The following CCDC22 variants were observed in gnomAD, a reference collection of about 807,000 sequenced individuals.
The protein encoded by CCDC22 is CCC complex scaffolding subunit CCDC22.
A neutral mutation model predicts 53.1 loss-of-function variants in CCDC22; 4 were observed. That is an observed-to-expected ratio of 0.08 (90% CI 0.04 to 0.17). The LOEUF (loss-of-function observed/expected upper bound fraction) is 0.17, where lower values mean the gene tolerates loss of function less well. Among genes scored for constraint, CCDC22 ranks in the 10% least tolerant of loss-of-function variants. CCDC22 has a pLI of 1.00. For synonymous variants in CCDC22, 222 were observed against 224.4 expected (o/e 0.99, Z 0.10); for missense variants, 458 against 554.0 (o/e 0.83, Z 1.74).
chrX:49,248,265 G>C lies in CCDC22; in HGVS notation c.1167G>C (p.Ala389=), dbSNP rs72619041. Residue 389 remains alanine (A), a synonymous_variant, in exon 10 of 17, where the codon GCG becomes GCC. Coordinates refer to ENST00000376227, the MANE Select transcript of CCDC22 (RefSeq NM_014008.5). ...REQALRLKSR[A]VELLPDGTAN... ...AGGCCCTGCGCCTGAAGAGCCGCGC[G>C]GTGGAGCTGCTGCCCGATGGGACTG... The C allele has an allele frequency of 5.8e-6, 7 of 1,206,086 alleles. No homozygotes were observed. Among genetic ancestry groups the C allele is most frequent in the Non-Finnish European group, 7.8e-6 (7 of 894,559 alleles).
intron 7 of CCDC22, chrX:49,247,157 C>T (rs2065994778): frequency 1.8e-5 from 8 of 436,586 alleles, no homozygotes; most frequent in Non-Finnish European, 3.2e-5. Context: ...GTTCTTGGGG[C>T]AACACCCCCT....
intron 2 of CCDC22, among the ~76,000 whole-genome samples, chrX:49,237,948 C>T (rs781936633): frequency 2.8e-5 from 3 of 109,015 alleles, no homozygotes; most frequent in Admixed American, 9.8e-5. Context: ...TTAGTAGAGA[C>T]GGGGTTTCAC....
Position 49,249,293 on chromosome X carries a change from G to T in CCDC22, c.1635+31G>T, listed in dbSNP as rs994821717. 8.2e-5 allele frequency: 89 copies of T among 1,082,054 alleles called. No individual in the cohort carries two copies. Among genetic ancestry groups the T allele is most frequent in the Non-Finnish European group, 1.0e-4 (81 of 781,894 alleles). 89.2% of individuals were successfully genotyped at this position (1,082,054 alleles called of 1,213,427 possible). On this transcript the variant is annotated intron_variant, in intron 14 of 16. Coordinates refer to ENST00000376227, the MANE Select transcript of CCDC22 (RefSeq NM_014008.5). The stretch of plus-strand genomic sequence containing the variant: ...GGGCAGGTTGGGCGGGGGTGAGTGG[G>T]GTGAGGCTGGGCTGCTGCCTTGTGC...
intron 2 of CCDC22, among the ~76,000 whole-genome samples, 177 bp from the exon 3 acceptor site, chrX:49,241,839 G>A (rs2065965187): frequency 9.0e-6 from 1 of 111,694 alleles, no homozygotes. Flanking sequence ...CTTGTTCTCT[G>A]TAGCGTTGAC....
rs1311662654 is a variant in CCDC22 at position 49,237,279 on chromosome X, C to T, written c.228+16C>T. The T allele has an allele frequency of 8.5e-7, 1 of 1,174,880 alleles. No homozygotes were observed. The highest frequency in any genetic ancestry group is 2.3e-5 in the Admixed American group (1 of 44,095). On this transcript the variant is annotated intron_variant, in intron 2 of 16. Coordinates refer to ENST00000376227, the MANE Select transcript of CCDC22 (RefSeq NM_014008.5). ...GGCCTGCATGGTGAGTGGCCCTCCT[C>T]CTAATGCACACATCCTCTTTCTTCC...
intron 16 of CCDC22, 110 bp from the exon 17 acceptor site, chrX:49,250,038 G>A (rs907843716): frequency 3.9e-6 from 2 of 506,923 alleles, no homozygotes; most frequent in African/African-American, 4.6e-5. Context: ...GACAGAGCAG[G>A]CTGTTGGAGT....
chrX:49,241,445 C>G (rs1264360165), intron 2 of CCDC22, among the ~76,000 whole-genome samples: 4 of 103,177 alleles, frequency 3.9e-5, no homozygotes, highest in Admixed American at 2.1e-4. Flanking sequence ...CAAGATCACG[C>G]TACTGCACTC....
Position 49,242,948 on chromosome X carries a change from TG to T in CCDC22, c.427del (p.Val143SerfsTer32). ...SQIRDQLALP[W>X]VPPHLRTPKL... Reference sequence around the variant, plus strand: ...AATTCGGGACCAGCTGGCACTGCCTTGGGTCCCGCCCCACCTTCGCACTCCC... The same window carrying T: ...AATTCGGGACCAGCTGGCACTGCCTTGGTCCCGCCCCACCTTCGCACTCCC... On this transcript the variant is annotated frameshift_variant, in exon 4 of 17. Coordinates refer to ENST00000376227, the MANE Select transcript of CCDC22 (RefSeq NM_014008.5). LOFTEE classifies it high-confidence loss of function. The T allele has an allele frequency of 8.6e-7, 1 of 1,168,719 alleles. No homozygotes were observed.
chrX:49,248,338 G>A, intron 10 of CCDC22, 28 bp downstream of exon 10: 2 of 1,179,385 alleles, frequency 1.7e-6, no homozygotes, highest in Non-Finnish European at 2.3e-6. Flanking sequence ...GCTGGGCGGA[G>A]AGGGGCAGGG....
Position 49,248,994 on chromosome X carries a change from C to T in CCDC22, c.1539+70C>T, listed in dbSNP as rs782264478. On this transcript the variant is annotated intron_variant, in intron 13 of 16. Transcript: ENST00000376227. ...GCATAGTGTGGCCGCACAGGGACCT[C>T]ACACCCTCAGGCAGAGCTGTCCAGT... The T allele has an allele frequency of 1.2e-5, 14 of 1,169,134 alleles. No homozygotes were observed. In the South Asian group the frequency reaches 2.1e-4, roughly 18 times the overall value.
Position 49,235,851 on chromosome X carries a change from A to ACACG in CCDC22, c.50+168_50+169insGCAC, listed in dbSNP as rs782369144. Reference sequence around the variant, plus strand: ...TACACACACACACACACACACACACACACACACACACACGCACACACACAC... The same window carrying ACACG: ...TACACACACACACACACACACACACACACGCACACACACACACGCACACACACAC... On this transcript the variant is annotated intron_variant, in intron 1 of 16. Coordinates refer to ENST00000376227, the MANE Select transcript of CCDC22 (RefSeq NM_014008.5). Among the ~76,000 whole-genome samples the ACACG allele has an allele frequency of 2.5e-3, 248 of 100,432 alleles. 1 individual carries two copies. The highest frequency in any genetic ancestry group is 0.011 in the South Asian group (23 of 2,068). The allele number at this position is 100,432 out of a possible 115,157, so 87.2% of individuals were successfully genotyped here.
chrX:49,246,276 A>G (rs1309110850), intron 6 of CCDC22, among the ~76,000 whole-genome samples: 3 of 112,322 alleles, frequency 2.7e-5, no homozygotes, highest in African/African-American at 3.2e-5. Context: ...CCGGCCAACA[A>G]TGATATCTTA....
chrX:49,246,960 G>T, intron 7 of CCDC22, 35 bp downstream of exon 7: 1 of 1,102,460 alleles, frequency 9.1e-7, no homozygotes. Flanking sequence ...TGTGTGGATG[G>T]GCGTGGCAGG....
chrX:49,247,746 C>T lies in CCDC22; in HGVS notation c.1070C>T (p.Thr357Ile), dbSNP rs144685788. 1 of 1,211,046 alleles carries T rather than the reference C, an allele frequency of 8.3e-7. No homozygotes were observed. The highest frequency in any genetic ancestry group is 2.2e-5 in the Admixed American group (1 of 46,074). The change falls in exon 9 of 17, where the codon ACC (threonine) becomes ATC (isoleucine). Residue 357 changes from threonine to isoleucine, a missense_variant. Coordinates refer to ENST00000376227, the MANE Select transcript of CCDC22 (RefSeq NM_014008.5). ...SIEEVEADMK[T>I]LGVSFVQAES... Reference sequence around the variant, plus strand: ...GAGGAGGTTGAGGCCGACATGAAGACCCTGGGCGTCAGCTTTGTGCAGGTA... The same window carrying T: ...GAGGAGGTTGAGGCCGACATGAAGATCCTGGGCGTCAGCTTTGTGCAGGTA...
chrX:49,245,952 TTTTTG>T (rs1300509768), intron 6 of CCDC22, among the ~76,000 whole-genome samples: 133 of 101,576 alleles, frequency 1.3e-3, no homozygotes, highest in African/African-American at 4.2e-3. Flanking sequence ...TGTGGGTTTT[TTTTTG>T]TTTTGTTTTG....
chrX:49,249,301 T>C (rs781836021), intron 14 of CCDC22, 39 bp downstream of exon 14: 1 of 1,060,723 alleles, frequency 9.4e-7, no homozygotes, highest in Non-Finnish European at 1.3e-6. Context: ...GGGGTGAGGC[T>C]GGGCTGCTGC....
chrX:49,243,169 T>C lies in CCDC22; in HGVS notation c.520T>C (p.Leu174=), dbSNP rs1427268080. ...TGCCAGCAGGCTGGTCGTGCCAGAA[T>C]TGAGTTCCAGAGGTGGTGAGCATGA... ...FHASRLVVPE[L]SSRGEPREFQ... is the part of the protein sequence containing the mutation. Residue 174 remains leucine (L), a synonymous_variant, in exon 5 of 17, where the codon TTG becomes CTG. Transcript: ENST00000376227. 4.1e-6 allele frequency: 5 copies of C among 1,209,985 alleles called. No homozygotes were observed. The highest frequency in any genetic ancestry group is 1.7e-5 in the African/African-American group (1 of 57,273).
intron 16 of CCDC22, 38 bp downstream of exon 16, chrX:49,249,763 CG>C: frequency 9.3e-7 from 1 of 1,080,620 alleles, no homozygotes; most frequent in Non-Finnish European, 1.3e-6. Context: ...CAAGGCGGGC[CG>C]GGGGGACAGT....
chrX:49,241,157 C>G (rs2065961629), intron 2 of CCDC22, among the ~76,000 whole-genome samples: 1 of 111,704 alleles, frequency 9.0e-6, no homozygotes, highest in Admixed American at 9.6e-5. Context: ...CTTTCAGAGT[C>G]TATGCAGTTC....
Sources: gnomAD v4.1 joint callset for allele counts (sites outside exome capture counted in the v4.1 genomes callset) on GRCh38, gnomAD v4.1.1 for gene constraint, MANE v1.5 for transcripts, NCBI Gene and HGNC (gene_info 2026-07-23, HGNC 2026-07-21) for gene names.